Variants in CIMIP5 observed in about 807,000 individuals in gnomAD.
CIMIP5 encodes ciliary microtubule inner protein 5, also known as uncharacterized protein C2orf50.
At chr2:11,140,050 G>C in the CIMIP5 span, among the ~76,000 whole-genome samples, 2 of 128,194 alleles carry the variant, frequency 1.6e-5, no homozygotes, top group Non-Finnish European at 3.1e-5. Context: ...TTATGCCACT[G>C]CACTTCAGCC....
the CIMIP5 span, among the ~76,000 whole-genome samples, chr2:11,135,657 G>T: frequency 2.7e-3 from 184 of 68,796 alleles, no homozygotes; most frequent in African/African-American, 9.7e-3. Context: ...TTTTTTTTGG[G>T]GTTTTTTTGG....
chr2:11,150,079 T>G, the CIMIP5 span, among the ~76,000 whole-genome samples: 1 of 152,106 alleles, frequency 6.6e-6, no homozygotes, highest in Admixed American at 6.5e-5. Flanking sequence ...CCCGAGTAGC[T>G]GGGATTACGG....
chr2:11,144,138 C>T, the CIMIP5 span: 37 of 1,534,414 alleles, frequency 2.4e-5, no homozygotes, highest in Non-Finnish European at 3.2e-5. Flanking sequence ...GCTGGCCTTC[C>T]CCAGGTGGGT....
At chr2:11,147,418 G>C in the CIMIP5 span, among the ~76,000 whole-genome samples, 1 of 152,154 alleles carries the variant, frequency 6.6e-6, no homozygotes, top group South Asian at 2.1e-4. Flanking sequence ...AAGAAGAAAG[G>C]GGTTTGAGTT....
the CIMIP5 span, chr2:11,133,338 G>C: frequency 1.3e-6 from 2 of 1,581,590 alleles, no homozygotes; most frequent in Non-Finnish European, 1.7e-6. Context: ...TTGCACCATG[G>C]GGAGCCACCC....
the CIMIP5 span, chr2:11,133,324 A>T: frequency 6.4e-7 from 1 of 1,574,790 alleles, no homozygotes; most frequent in East Asian, 2.3e-5. Context: ...ACACACACAC[A>T]CACTTGCACC....
chr2:11,139,747 C>T, the CIMIP5 span, among the ~76,000 whole-genome samples: 1 of 152,202 alleles, frequency 6.6e-6, no homozygotes. Context: ...TGGTAGGATA[C>T]ACCATAAATA....
chr2:11,146,119 A>G, the CIMIP5 span: 4 of 152,170 alleles, frequency 2.6e-5, no homozygotes, highest in Non-Finnish European at 4.4e-5. Context: ...CAGGGGCTGA[A>G]ATGACTGCTC....
At chr2:11,136,991 A>G in the CIMIP5 span, among the ~76,000 whole-genome samples, 2 of 152,218 alleles carry the variant, frequency 1.3e-5, no homozygotes, top group Non-Finnish European at 2.9e-5. Flanking sequence ...GGAAAGCCCA[A>G]AGAGGAATGT....
chr2:11,133,301 G>C, the CIMIP5 span: 47 of 1,471,388 alleles, frequency 3.2e-5, no homozygotes, highest in Non-Finnish European at 4.0e-5. Context: ...CTCTCTCTCT[G>C]ACACAAGCGC....
the CIMIP5 span, chr2:11,144,545 T>G: frequency 6.4e-6 from 1 of 155,228 alleles, no homozygotes; most frequent in African/African-American, 2.4e-5. Context: ...GAGCACAAAC[T>G]GCATAGCTTA....
chr2:11,153,354 G>A, the CIMIP5 span, among the ~76,000 whole-genome samples: 1 of 152,184 alleles, frequency 6.6e-6, no homozygotes, highest in Admixed American at 6.5e-5. Context: ...GGCCCCTCAT[G>A]CTGCCTGCAT....
the CIMIP5 span, chr2:11,133,631 C>T: frequency 0.044 from 67,604 of 1,551,122 alleles, 9,909 homozygotes; most frequent in African/African-American, 0.5. Flanking sequence ...GACTCCGCAG[C>T]CTGACTGCAA....
chr2:11,138,788 C>T, the CIMIP5 span, among the ~76,000 whole-genome samples: 2 of 152,224 alleles, frequency 1.3e-5, no homozygotes, highest in African/African-American at 4.8e-5. Context: ...CCTGCTGCCA[C>T]TTTGCCTTCC....
At chr2:11,135,847 T>G in the CIMIP5 span, among the ~76,000 whole-genome samples, 1 of 152,034 alleles carries the variant, frequency 6.6e-6, no homozygotes, top group Non-Finnish European at 1.5e-5. Context: ...TTGACCTCAT[T>G]GTGGTTTTGA....
chr2:11,151,967 G>A, the CIMIP5 span, among the ~76,000 whole-genome samples: 1 of 152,238 alleles, frequency 6.6e-6, no homozygotes, highest in Admixed American at 6.5e-5. Context: ...AATTTGGCCA[G>A]TAGGGGCTTG....
At chr2:11,143,792 C>A in the CIMIP5 span, 1 of 819,624 alleles carries the variant, frequency 1.2e-6, no homozygotes, top group Non-Finnish European at 1.8e-6. Context: ...ATCCCAAGTC[C>A]AAACCAGGAT....
At chr2:11,149,867 A>G in the CIMIP5 span, among the ~76,000 whole-genome samples, 1 of 152,236 alleles carries the variant, frequency 6.6e-6, no homozygotes, top group Admixed American at 6.5e-5. Context: ...ACTAAATGTT[A>G]GCTAACACCA....
the CIMIP5 span, among the ~76,000 whole-genome samples, chr2:11,139,901 A>G: frequency 2.0e-5 from 3 of 150,782 alleles, no homozygotes; most frequent in African/African-American, 7.3e-5. Flanking sequence ...AGCCTGACCA[A>G]TATGGTGAAA....
Sources: allele counts gnomAD v4.1 joint callset (sites outside exome capture counted in the v4.1 genomes callset), GRCh38; gene constraint gnomAD v4.1.1; transcripts MANE v1.5; gene names NCBI Gene and HGNC (gene_info 2026-07-23, HGNC 2026-07-21).